CPA6: variants seen among roughly 807,000 people sequenced by gnomAD.
The protein encoded by CPA6 is carboxypeptidase A6.
CPA6 carries 58 observed loss-of-function variants against 63.3 expected under a neutral mutation model. That is an observed-to-expected ratio of 0.92 (90% CI 0.74 to 1.14). The LOEUF is 1.14. Among genes scored for constraint, CPA6 ranks in the 50% most tolerant of loss-of-function variants. The pLI, the probability that CPA6 is intolerant of heterozygous loss-of-function variation, is 0.00. For synonymous variants in CPA6, 185 were observed against 179.0 expected (o/e 1.03, Z -0.27); for missense variants, 565 against 526.6 (o/e 1.07, Z -0.71).
At chr8:67,466,243 CAT>C (rs1295954672) in intron 8 of CPA6, among the ~76,000 whole-genome samples, 1 of 152,024 alleles carries the variant, frequency 6.6e-6, no homozygotes, top group Non-Finnish European at 1.5e-5. Context: ...AGTTTGTGTG[CAT>C]AGAGGTGCTC....
At position 67,457,911 on chromosome 8, in the gene CPA6, G is replaced by C. The variant is rs574020005; in HGVS notation, c.839-23671C>G. 5.3e-5 allele frequency among the ~76,000 whole-genome samples: 8 copies of C among 152,184 alleles called. No individual in the cohort carries two copies. The South Asian group carries it at 1.5e-3, about 28-fold the overall frequency. ...TGTTCCCGTTCTTCCTTCAGCTCAG[G>C]CTGTTCATTTCCTCTCTTGAAACCT... On this transcript the variant is annotated intron_variant, in intron 8 of 10. Coordinates refer to ENST00000297770, the MANE Select transcript of CPA6 (RefSeq NM_020361.5).
intron 1 of CPA6, among the ~76,000 whole-genome samples, chr8:67,713,490 C>T (rs1361211060): frequency 6.6e-6 from 1 of 152,106 alleles, no homozygotes; most frequent in Non-Finnish European, 1.5e-5. Context: ...GCGATTTATT[C>T]CATGTAATCA....
At chr8:67,668,195 G>A (rs112012382) in intron 1 of CPA6, among the ~76,000 whole-genome samples, 11 of 152,264 alleles carry the variant, frequency 7.2e-5, no homozygotes, top group African/African-American at 2.4e-4. Context: ...TCCTTTTATG[G>A]CTAGAAAATT....
chr8:67,543,300 G>A (rs149096821), intron 2 of CPA6, among the ~76,000 whole-genome samples: 1,704 of 152,326 alleles, frequency 0.011, 35 homozygotes, highest in African/African-American at 0.039. Context: ...GAATGCTGAA[G>A]AATAGACAGT....
intron 2 of CPA6, among the ~76,000 whole-genome samples, chr8:67,590,910 T>C (rs1237039998): frequency 6.6e-6 from 1 of 151,806 alleles, no homozygotes; most frequent in Admixed American, 6.6e-5. Context: ...TTTGTCAATT[T>C]TGGCTTTTGT....
intron 1 of CPA6, among the ~76,000 whole-genome samples, chr8:67,642,660 C>G (rs996496876): frequency 6.6e-6 from 1 of 152,066 alleles, no homozygotes; most frequent in Non-Finnish European, 1.5e-5. Flanking sequence ...GAAGCAGATC[C>G]TTATGTATAG....
At chr8:67,536,323 C>T (rs1429010147) in intron 2 of CPA6, among the ~76,000 whole-genome samples, 2 of 152,176 alleles carry the variant, frequency 1.3e-5, no homozygotes, top group Non-Finnish European at 2.9e-5. Context: ...TCTTCCTATC[C>T]ATGAGCATGG....
intron 1 of CPA6, among the ~76,000 whole-genome samples, chr8:67,679,427 C>T (rs1240601629): frequency 6.6e-6 from 1 of 152,160 alleles, no homozygotes; most frequent in Non-Finnish European, 1.5e-5. Flanking sequence ...TAGTCATCTG[C>T]TTTGAATGGA....
At chr8:67,619,852 A>C (rs559210633) in intron 2 of CPA6, among the ~76,000 whole-genome samples, 12 of 152,160 alleles carry the variant, frequency 7.9e-5, no homozygotes, top group Non-Finnish European at 1.6e-4. Context: ...ACCCTAACCC[A>C]ACCTCCTTGG....
At chr8:67,524,183 G>A (rs1308284851) in intron 2 of CPA6, among the ~76,000 whole-genome samples, 1 of 152,130 alleles carries the variant, frequency 6.6e-6, no homozygotes, top group East Asian at 1.9e-4. Flanking sequence ...TTCTTGGAGA[G>A]CTTCTCTACC....
At chr8:67,434,964 C>T (rs1010267051) in intron 8 of CPA6, among the ~76,000 whole-genome samples, 7 of 152,218 alleles carry the variant, frequency 4.6e-5, no homozygotes, top group African/African-American at 1.7e-4. Flanking sequence ...AGAGCCTTGA[C>T]CCAGAGCCTG....
intron 1 of CPA6, among the ~76,000 whole-genome samples, chr8:67,730,363 G>T (rs1817683126): frequency 6.6e-6 from 1 of 152,180 alleles, no homozygotes. Context: ...ATGTAGGAGG[G>T]GTCCCAGAAC....
chr8:67,510,406 A>ATGTG lies in CPA6; in HGVS notation c.433-792_433-789dup, dbSNP rs71554609. On this transcript the variant is annotated intron_variant, in intron 4 of 10. Coordinates refer to ENST00000297770, the MANE Select transcript of CPA6 (RefSeq NM_020361.5). ...TTATTTAATCTAATGAGCAGGATAT[A>ATGTG]TGTGTGTGTGTGTGTGTGTGTGTAT... 1.5e-3 allele frequency among the ~76,000 whole-genome samples: 227 copies of ATGTG among 150,364 alleles called. 2 individuals are homozygous for ATGTG. In the South Asian group the frequency reaches 0.019, roughly 13 times the overall value.
intron 4 of CPA6, 57 bp from the exon 5 acceptor site, chr8:67,509,675 G>T: frequency 1.2e-6 from 1 of 844,498 alleles, no homozygotes; most frequent in Non-Finnish European, 1.9e-6. Context: ...GGAGCTTTTA[G>T]AGAACAAAAG....
intron 6 of CPA6, among the ~76,000 whole-genome samples, chr8:67,487,057 GT>G (rs149997463): frequency 0.03 from 4,527 of 151,972 alleles, 227 homozygotes; most frequent in African/African-American, 0.1. Context: ...GAATATATAT[GT>G]ATATTTTTAA....
chr8:67,664,190 G>A (rs990974737), intron 1 of CPA6, among the ~76,000 whole-genome samples: 3 of 152,174 alleles, frequency 2.0e-5, no homozygotes, highest in Non-Finnish European at 2.9e-5. Context: ...CAGAAACTAA[G>A]ACTGCCATTC....
intron 8 of CPA6, among the ~76,000 whole-genome samples, chr8:67,479,034 G>A (rs1050443705): frequency 6.6e-6 from 1 of 151,622 alleles, no homozygotes; most frequent in Non-Finnish European, 1.5e-5. Context: ...GAAAAGAAAA[G>A]AAAGAAAGAA....
intron 3 of CPA6, among the ~76,000 whole-genome samples, chr8:67,515,671 A>T (rs57185404): frequency 0.092 from 13,896 of 151,644 alleles, 1,638 homozygotes; most frequent in African/African-American, 0.27. Context: ...ATTTTCTCCC[A>T]CCTCCTCTAA....
At chr8:67,493,420 G>A (rs901087417) in intron 6 of CPA6, among the ~76,000 whole-genome samples, 33 of 152,120 alleles carry the variant, frequency 2.2e-4, no homozygotes, top group Non-Finnish European at 3.8e-4. Flanking sequence ...CCAGTTGGAG[G>A]ACTTCTCCTA....
Sources: allele counts gnomAD v4.1 joint callset (sites outside exome capture counted in the v4.1 genomes callset), GRCh38; gene constraint gnomAD v4.1.1; transcripts MANE v1.5; gene names NCBI Gene and HGNC (gene_info 2026-07-23, HGNC 2026-07-21).